The following NDUFA5 variants were observed in gnomAD, a reference collection of about 807,000 sequenced individuals.
NDUFA5 encodes the protein NADH:ubiquinone oxidoreductase subunit A5.
In NDUFA5, 11 loss-of-function variants were observed where a neutral mutation model predicts 19.8. The ratio of observed to expected loss-of-function variants is 0.56; its 90% CI spans 0.35 to 0.92. The LOEUF is 0.92. Among genes scored for constraint, NDUFA5 ranks in the 40% least tolerant of loss-of-function variants. The pLI, the probability that NDUFA5 is intolerant of heterozygous loss-of-function variation, is 0.01. For missense variants in NDUFA5, 109 were observed against 134.2 expected (o/e 0.81, Z 0.93); for synonymous variants, 47 against 46.8 (o/e 1.00, Z -0.01).
chr7:123,596,207 TA>T, the NDUFA5 span: 2 of 152,106 alleles, frequency 1.3e-5, no homozygotes, highest in African/African-American at 4.8e-5. Context: ...ATGAGACCAT[TA>T]AAAATTGTTT....
the NDUFA5 span, among the ~76,000 whole-genome samples, chr7:123,588,278 T>C: frequency 6.6e-6 from 1 of 151,832 alleles, no homozygotes; most frequent in Non-Finnish European, 1.5e-5. Flanking sequence ...GTTTCTAGCA[T>C]TTGTCTATTC....
chr7:123,558,093 A>T (rs1798631600), upstream of NDUFA5: 3 of 521,960 alleles, frequency 5.7e-6, no homozygotes, highest in Non-Finnish European at 1.0e-5. Flanking sequence ...TGAGGGAAAC[A>T]CTCCCAACTA....
Position 123,540,121 on chromosome 7 carries a change from G to A in NDUFA5, c.*1998C>T, listed in dbSNP as rs1186337336. ...GGGAAAACTACTCACGTAGGGTTCT[G>A]GTTTCTTATCTGGAAAATGAAGATA... On this transcript the variant is annotated 3_prime_UTR_variant, in exon 5 of 5. Coordinates refer to ENST00000355749, the MANE Select transcript of NDUFA5 (RefSeq NM_005000.5). 1 of 152,066 alleles carries A rather than the reference G, an allele frequency of 6.6e-6. No individual in the cohort carries two copies. The highest frequency in any genetic ancestry group is 1.9e-4 in the East Asian group (1 of 5,192). 9.4% of individuals were successfully genotyped at this position (152,066 alleles called of 1,614,324 possible).
At chr7:123,570,288 G>A in the NDUFA5 span, among the ~76,000 whole-genome samples, 3 of 151,724 alleles carry the variant, frequency 2.0e-5, no homozygotes, top group African/African-American at 4.8e-5. Flanking sequence ...CACCCACCTC[G>A]GCCCCCCAAA....
intron 3 of NDUFA5, among the ~76,000 whole-genome samples, chr7:123,547,060 G>A (rs1289571203): frequency 6.6e-6 from 1 of 152,102 alleles, no homozygotes; most frequent in African/African-American, 2.4e-5. Flanking sequence ...GCAGTGATGA[G>A]ACCACAAGCC....
At chr7:123,568,159 C>T in the NDUFA5 span, among the ~76,000 whole-genome samples, 1 of 152,144 alleles carries the variant, frequency 6.6e-6, no homozygotes, top group Non-Finnish European at 1.5e-5. Context: ...GGATATCTCA[C>T]ACTCCCACTG....
the NDUFA5 span, among the ~76,000 whole-genome samples, chr7:123,586,202 A>G: frequency 6.6e-6 from 1 of 151,810 alleles, no homozygotes; most frequent in Non-Finnish European, 1.5e-5. Flanking sequence ...CCAAGAGTGT[A>G]CAAGACGTTT....
At chr7:123,581,846 C>T in the NDUFA5 span, among the ~76,000 whole-genome samples, 93 of 152,074 alleles carry the variant, frequency 6.1e-4, no homozygotes, top group African/African-American at 2.1e-3. Flanking sequence ...GAGGAAAAGA[C>T]ATGAAACTTC....
At chr7:123,586,176 C>T in the NDUFA5 span, among the ~76,000 whole-genome samples, 2 of 151,882 alleles carry the variant, frequency 1.3e-5, no homozygotes, top group East Asian at 1.9e-4. Flanking sequence ...AATGGCTGTA[C>T]GAATTTACTT....
At chr7:123,544,098 AATTAAATG>A (rs1208126923) in intron 4 of NDUFA5, among the ~76,000 whole-genome samples, 1 of 152,334 alleles carries the variant, frequency 6.6e-6, no homozygotes, top group East Asian at 1.9e-4. Context: ...AACAAAATAA[AATTAAATG>A]AAACAATTGA....
At chr7:123,544,040 A>G (rs532291465) in intron 4 of NDUFA5, among the ~76,000 whole-genome samples, 2 of 152,328 alleles carry the variant, frequency 1.3e-5, no homozygotes, top group Admixed American at 6.5e-5. Context: ...CTGTCCTTCA[A>G]TCAACAGTAA....
the NDUFA5 span, among the ~76,000 whole-genome samples, chr7:123,566,296 C>A: frequency 1.3e-5 from 2 of 152,210 alleles, no homozygotes; most frequent in African/African-American, 4.8e-5. Context: ...TTGTTTCTCT[C>A]AGCCCTCAGA....
At chr7:123,567,293 A>G in the NDUFA5 span, among the ~76,000 whole-genome samples, 1 of 152,044 alleles carries the variant, frequency 6.6e-6, no homozygotes, top group African/African-American at 2.4e-5. Context: ...CAGGTGGGAG[A>G]GAGTTGCCAG....
chr7:123,573,250 C>G, the NDUFA5 span, among the ~76,000 whole-genome samples: 2 of 150,864 alleles, frequency 1.3e-5, no homozygotes, highest in East Asian at 3.9e-4. Flanking sequence ...AAGCTTCCCC[C>G]CCGCCTCCCC....
the NDUFA5 span, among the ~76,000 whole-genome samples, chr7:123,600,586 G>T: frequency 2.6e-5 from 4 of 152,114 alleles, no homozygotes; most frequent in Admixed American, 6.5e-5. Context: ...TTCCAAATTA[G>T]ATTAATAATG....
chr7:123,586,343 C>T, the NDUFA5 span, among the ~76,000 whole-genome samples: 1 of 151,638 alleles, frequency 6.6e-6, no homozygotes, highest in Non-Finnish European at 1.5e-5. Flanking sequence ...TGTTGAGGAC[C>T]TTTTCACTCC....
chr7:123,556,812 G>T (rs778421606), intron 2 of NDUFA5: 1 of 496,388 alleles, frequency 2.0e-6, no homozygotes, highest in Non-Finnish European at 3.9e-6. Flanking sequence ...GATAATTGGT[G>T]AACTTGAAAA....
chr7:123,584,612 G>A, the NDUFA5 span, among the ~76,000 whole-genome samples: 1 of 151,888 alleles, frequency 6.6e-6, no homozygotes, highest in East Asian at 1.9e-4. Context: ...TGTACAGAAA[G>A]CAAGAAAATC....
chr7:123,571,946 T>C, the NDUFA5 span, among the ~76,000 whole-genome samples: 1 of 151,734 alleles, frequency 6.6e-6, no homozygotes, highest in Non-Finnish European at 1.5e-5. Context: ...GTTTTTTTAA[T>C]GTTTTTATAG....
Sources: gnomAD v4.1 joint callset for allele counts (sites outside exome capture counted in the v4.1 genomes callset) on GRCh38, gnomAD v4.1.1 for gene constraint, MANE v1.5 for transcripts, NCBI Gene and HGNC (gene_info 2026-07-23, HGNC 2026-07-21) for gene names.